The following LPAR1 variants were observed in gnomAD, a reference collection of about 807,000 sequenced individuals.
LPAR1 encodes the protein lysophosphatidic acid receptor 1, also known as LPA receptor 1.
LPAR1 carries 5 observed loss-of-function variants against 23.8 expected under a neutral mutation model. The ratio of observed to expected loss-of-function variants is 0.21; its 90% confidence interval spans 0.11 to 0.44. The LOEUF (loss-of-function observed/expected upper bound fraction) is 0.44, where lower values mean the gene tolerates loss of function less well. Ranked by LOEUF, LPAR1 falls within the 20% of genes least tolerant of loss-of-function variation. The pLI is 0.99. For synonymous variants in LPAR1, 160 were observed against 164.7 expected (o/e 0.97, Z 0.22); for missense variants, 311 against 482.8 (o/e 0.64, Z 3.33).
chr9:110,949,904 C>T (rs1384147498), intron 4 of LPAR1, among the ~76,000 whole-genome samples: 1 of 152,050 alleles, frequency 6.6e-6, no homozygotes. Context: ...AATGTGGTTA[C>T]ATAATTAACC....
chr9:111,003,988 A>G (rs554406500), intron 2 of LPAR1, among the ~76,000 whole-genome samples: 1 of 152,312 alleles, frequency 6.6e-6, no homozygotes, highest in African/African-American at 2.4e-5. Context: ...AGTCACATTA[A>G]CTATTTCAAT....
chr9:110,964,119 C>G (rs2096106223), intron 4 of LPAR1, among the ~76,000 whole-genome samples: 1 of 152,170 alleles, frequency 6.6e-6, no homozygotes, highest in Admixed American at 6.5e-5. Flanking sequence ...TACTCTGAAG[C>G]CTTCTGTGTG....
intron 5 of LPAR1, among the ~76,000 whole-genome samples, chr9:110,940,802 G>A (rs546487612): frequency 9.9e-5 from 15 of 152,270 alleles, no homozygotes; most frequent in African/African-American, 3.6e-4. Flanking sequence ...GAAGGTATTT[G>A]AGTCTACAAA....
At chr9:110,910,878 C>T (rs2092341293) in intron 5 of LPAR1, among the ~76,000 whole-genome samples, 2 of 152,146 alleles carry the variant, frequency 1.3e-5, no homozygotes, top group Non-Finnish European at 1.5e-5. Context: ...CATGATAAAA[C>T]TTTAATGGAT....
At chr9:111,010,131 T>C (rs2097306013) in intron 2 of LPAR1, among the ~76,000 whole-genome samples, 1 of 150,860 alleles carries the variant, frequency 6.6e-6, no homozygotes, top group Non-Finnish European at 1.5e-5. Flanking sequence ...AAAACAAATA[T>C]GCAATATATC....
At chr9:110,932,257 G>A (rs889308786) in intron 5 of LPAR1, among the ~76,000 whole-genome samples, 3 of 152,268 alleles carry the variant, frequency 2.0e-5, no homozygotes, top group Non-Finnish European at 2.9e-5. Flanking sequence ...CTAGGTGCTG[G>A]GAAGTAAGAT....
intron 5 of LPAR1, among the ~76,000 whole-genome samples, chr9:110,924,460 T>G (rs1377782136): frequency 2.0e-5 from 3 of 152,026 alleles, no homozygotes; most frequent in Non-Finnish European, 4.4e-5. Flanking sequence ...CAACTTAATA[T>G]TTTGGTTAAT....
intron 5 of LPAR1, among the ~76,000 whole-genome samples, chr9:110,920,475 T>C (rs911340686): frequency 6.6e-6 from 1 of 152,252 alleles, no homozygotes; most frequent in African/African-American, 2.4e-5. Flanking sequence ...TTAAAATCAT[T>C]ATAATACTTA....
chr9:111,002,478 A>G (rs1284738651), intron 2 of LPAR1, among the ~76,000 whole-genome samples: 1 of 152,188 alleles, frequency 6.6e-6, no homozygotes, highest in East Asian at 1.9e-4. Flanking sequence ...GACACTACTC[A>G]TGGGGTGCCA....
chr9:110,892,158 G>A lies in LPAR1; in HGVS notation c.794-16436C>T, dbSNP rs117686532. Among the ~76,000 whole-genome samples, 1,013 of 152,284 alleles carry A rather than the reference G, an allele frequency of 6.7e-3. 6 individuals are homozygous for A. Among genetic ancestry groups the A allele is most frequent in the Middle Eastern group, 0.017 (5 of 294 alleles). Reference sequence around the variant, plus strand: ...CAAAAGTCCATCCACAAATCAACAGGTGAATATACAGTAGTATTTCCAATC... The same window carrying A: ...CAAAAGTCCATCCACAAATCAACAGATGAATATACAGTAGTATTTCCAATC... On this transcript the variant is annotated intron_variant, in intron 5 of 5. Transcript: ENST00000683809.
chr9:110,974,113 C>T (rs528212951), intron 2 of LPAR1, among the ~76,000 whole-genome samples: 3 of 151,858 alleles, frequency 2.0e-5, no homozygotes, highest in South Asian at 2.1e-4. Flanking sequence ...GAGCCGAGAT[C>T]GTGCCACTGC....
chr9:110,944,506 C>A (rs1346002554), intron 4 of LPAR1, among the ~76,000 whole-genome samples: 2 of 152,142 alleles, frequency 1.3e-5, no homozygotes, highest in African/African-American at 4.8e-5. Context: ...TAACCATCTA[C>A]CTTCTCTGAA....
At chr9:110,987,686 A>ATATATG (rs1425260679) in intron 2 of LPAR1, among the ~76,000 whole-genome samples, 3 of 151,606 alleles carry the variant, frequency 2.0e-5, no homozygotes, top group Non-Finnish European at 4.4e-5. Context: ...ATATATATAT[A>ATATATG]TATAAAGTTG....
chr9:110,902,345 G>A (rs955553765), intron 5 of LPAR1, among the ~76,000 whole-genome samples: 9 of 152,100 alleles, frequency 5.9e-5, no homozygotes, highest in African/African-American at 2.2e-4. Flanking sequence ...GGACCTGGTG[G>A]GAGGTTATTG....
chr9:110,881,660 A>C (rs2080880794), intron 5 of LPAR1, among the ~76,000 whole-genome samples: 1 of 152,208 alleles, frequency 6.6e-6, no homozygotes, highest in Admixed American at 6.5e-5. Context: ...AAAGCCAGGT[A>C]AAACCACTTC....
At chr9:111,001,240 A>G (rs916920945) in intron 2 of LPAR1, among the ~76,000 whole-genome samples, 18 of 152,232 alleles carry the variant, frequency 1.2e-4, no homozygotes, top group Admixed American at 3.3e-4. Flanking sequence ...TGCAATCAAA[A>G]TGATTATTTA....
chr9:110,926,035 C>T (rs1385515485), intron 5 of LPAR1, among the ~76,000 whole-genome samples: 2 of 152,328 alleles, frequency 1.3e-5, no homozygotes, highest in East Asian at 1.9e-4. Context: ...ATTCTCCTGC[C>T]TCAGTCTCCT....
In LPAR1 at chr9:110,874,403, A is replaced by G. The variant is rs1025406753; in HGVS notation, c.*1018T>C. 1 of 152,658 alleles carries G rather than the reference A, an allele frequency of 6.6e-6. No homozygotes were observed. The highest frequency in any genetic ancestry group is 1.5e-5 in the Non-Finnish European group (1 of 68,028). 9.5% of individuals were successfully genotyped at this position (152,658 alleles called of 1,614,324 possible). On this transcript the variant is annotated 3_prime_UTR_variant, in exon 6 of 6. Transcript: ENST00000683809. ...TTACAGTATGACTCCAATTATGTAA[A>G]AAAAGTATACAATACACATATAGGC...
At chr9:110,988,387 C>G (rs10980682) in intron 2 of LPAR1, among the ~76,000 whole-genome samples, 11 of 151,838 alleles carry the variant, frequency 7.2e-5, no homozygotes, top group Admixed American at 7.2e-4. Context: ...TTGAAAACAA[C>G]TCATAGAAAG....
Sources: gnomAD v4.1 joint callset for allele counts (sites outside exome capture counted in the v4.1 genomes callset) on GRCh38, gnomAD v4.1.1 for gene constraint, MANE v1.5 for transcripts, NCBI Gene and HGNC (gene_info 2026-07-23, HGNC 2026-07-21) for gene names.